The following ZNF786 variants were observed in gnomAD, a reference collection of about 807,000 sequenced individuals.
The protein encoded by ZNF786 is zinc finger protein 786.
A neutral mutation model predicts 63.1 loss-of-function variants in ZNF786; 56 were observed. The observed-to-expected ratio is 0.89, with a 90% CI of 0.72 to 1.11. The LOEUF is 1.11. Ranked by LOEUF, ZNF786 falls within the 50% of genes least tolerant of loss-of-function variation. The probability of loss-of-function intolerance (pLI) is 0.00; values close to 1 mark genes in which losing one functional copy is unlikely to be tolerated. For missense variants in ZNF786, 1,213 were observed against 1,041.8 expected (o/e 1.16, Z -2.26); for synonymous variants, 485 against 406.9 (o/e 1.19, Z -2.31).
intron 1 of ZNF786, among the ~76,000 whole-genome samples, chr7:149,084,207 A>G (rs924138660): frequency 5.3e-5 from 8 of 151,922 alleles, no homozygotes; most frequent in Non-Finnish European, 1.0e-4. Flanking sequence ...CTAAAAATAC[A>G]AAAAATTAGC....
At position 149,072,065 on chromosome 7, in the gene ZNF786, A is replaced by C; in HGVS notation, c.707T>G (p.Val236Gly). 1.9e-6 allele frequency: 3 copies of C among 1,613,126 alleles called. No homozygotes were observed. Among genetic ancestry groups the C allele is most frequent in the Non-Finnish European group, 2.5e-6 (3 of 1,179,690 alleles). ...CACGCCACACCGGAAGTGCCTCTGTACCCGAGGGCTGCTCCACGGCATCTG... is the reference window on the plus strand; with the variant it reads ...CACGCCACACCGGAAGTGCCTCTGTCCCCGAGGGCTGCTCCACGGCATCTG... ...ETQMPWSSPR[V>G]QRHFRCGVCG... The change falls in exon 4 of 4, where the codon GTA (valine) becomes GGA (glycine). Residue 236 changes from valine (V) to glycine (G), a missense_variant. Transcript: ENST00000491431.
At chr7:149,090,165 A>G (rs931490960) in intron 1 of ZNF786, among the ~76,000 whole-genome samples, 2 of 152,124 alleles carry the variant, frequency 1.3e-5, no homozygotes, top group Non-Finnish European at 2.9e-5. Flanking sequence ...AACCCAAATC[A>G]CGCTAGACAA....
chr7:149,070,821 A>C lies in ZNF786; in HGVS notation c.1951T>G (p.Cys651Gly). The C allele has an allele frequency of 6.2e-7, 1 of 1,613,480 alleles. No homozygotes were observed. The highest frequency in any genetic ancestry group is 8.5e-7 in the Non-Finnish European group (1 of 1,179,838). The change falls in exon 4 of 4, where the codon TGT becomes GGT. Residue 651 changes from cysteine (C) to glycine (G), a missense_variant. Coordinates refer to ENST00000491431, the MANE Select transcript of ZNF786 (RefSeq NM_152411.4). ...TTCACAAAGCCCTTGCCGCACTCAC[A>C]GGAGAAAGGCATCTCCCCGCTGTGC... ...LLHSGEMPFSCECGKGFVKHS... is the reference protein window; with the variant it reads ...LLHSGEMPFSGECGKGFVKHS...
At chr7:149,077,828 C>G (rs561891078) in intron 2 of ZNF786, among the ~76,000 whole-genome samples, 10 of 151,418 alleles carry the variant, frequency 6.6e-5, no homozygotes, top group South Asian at 4.2e-4. Context: ...ACAGTTGTGG[C>G]CCAACAGCGA....
At position 149,071,733 on chromosome 7, in the gene ZNF786, G is replaced by A. The variant is rs751480242; in HGVS notation, c.1039C>T (p.Pro347Ser). 3.4e-5 allele frequency: 54 copies of A among 1,585,666 alleles called. No homozygotes were observed. The highest frequency in any genetic ancestry group is 4.3e-5 in the Non-Finnish European group (50 of 1,173,734). ...TCCTGGTGGCTGTTCCCCTCCTGGG[G>A]CAGGCGCGAGCCTGGTTTCTGTCCC... Reference protein sequence around the residue: ...HSGQKPGSRLPQEGNSHQEGD... With the variant: ...HSGQKPGSRLSQEGNSHQEGD... The change falls in exon 4 of 4, where the codon CCC (proline) becomes TCC (serine). Residue 347 changes from proline (P) to serine (S), a missense_variant. Physicochemically the swap from Pro to Ser is moderately conservative, Grantham distance 74. Coordinates refer to ENST00000491431, the MANE Select transcript of ZNF786 (RefSeq NM_152411.4).
chr7:149,072,635 T>A (rs1166720186), intron 3 of ZNF786, among the ~76,000 whole-genome samples, 162 bp from the exon 4 acceptor site: 2 of 152,160 alleles, frequency 1.3e-5, no homozygotes, highest in Non-Finnish European at 2.9e-5. Context: ...GCCGTGAGTT[T>A]GGTGAGTCTG....
Position 149,071,512 on chromosome 7 carries a change from A to ACCGTGCG in ZNF786, c.1253_1259dup (p.Gly421AlafsTer21). The ACCGTGCG allele has an allele frequency of 6.2e-7, 1 of 1,605,186 alleles. No individual in the cohort carries two copies. The highest frequency in any genetic ancestry group is 8.5e-7 in the Non-Finnish European group (1 of 1,176,962). Reference sequence around the variant, plus strand: ...TCCTGCAGGAGAACGGTCTCTCCCCACCGTGCGCGTGCTGGTGGACCTGCA... The same window carrying ACCGTGCG: ...TCCTGCAGGAGAACGGTCTCTCCCCACCGTGCGCCGTGCGCGTGCTGGTGGACCTGCA... On this transcript the variant is annotated frameshift_variant, in exon 4 of 4. Transcript: ENST00000491431. LOFTEE classifies it high-confidence loss of function.
chr7:149,078,327 G>A (rs113932616), intron 2 of ZNF786, among the ~76,000 whole-genome samples: 3 of 152,210 alleles, frequency 2.0e-5, no homozygotes, highest in African/African-American at 7.2e-5. Flanking sequence ...CAGTAACAAT[G>A]AAAATAATGT....
In ZNF786 at chr7:149,072,020, C is replaced by G. The variant is rs1238876566; in HGVS notation, c.752G>C (p.Arg251Pro). Residue 251 changes from arginine (R) to proline (P), a missense_variant, in exon 4 of 4, where the codon CGG becomes CCG. Transcript: ENST00000491431. ...RCGVCGKSFR[R>P]KLCLLRHLAA... ...CAGATGGCGCAGCAGACACAGCTTC[C>G]GGCGGAAGCTCTTACCGCACACGCC... 6.2e-7 allele frequency: 1 copy of G among 1,613,020 alleles called. No homozygotes were observed.
Position 149,072,323 on chromosome 7 carries a change from G to A in ZNF786, c.449C>T (p.Pro150Leu). The change falls in exon 4 of 4, where the codon CCA (proline) becomes CTA (leucine). Residue 150 changes from proline (P) to leucine (L), a missense_variant. Physicochemically the swap from Pro to Leu is moderately conservative, Grantham distance 98. Transcript: ENST00000491431. Reference protein sequence around the residue: ...SPQRHDARAPPPLACGPSEST... With the variant: ...SPQRHDARAPLPLACGPSEST... Reference sequence around the variant, plus strand: ...TTCACTGGGGCCGCAGGCTAGTGGTGGAGGAGCCCTGGCGTCGTGTCTCTG... The same window carrying A: ...TTCACTGGGGCCGCAGGCTAGTGGTAGAGGAGCCCTGGCGTCGTGTCTCTG... 4 of 1,613,814 alleles carry A rather than the reference G, an allele frequency of 2.5e-6. No individual in the cohort carries two copies. The highest frequency in any genetic ancestry group is 3.4e-6 in the Non-Finnish European group (4 of 1,179,844).
Position 149,071,712 on chromosome 7 carries a change from G to A in ZNF786, c.1060C>T (p.Gln354Ter). The stretch of plus-strand genomic sequence containing the variant: ...TGCAGCGCCTCCGTGTCCCCTTCCT[G>A]GTGGCTGTTCCCCTCCTGGGGCAGG... ...SRLPQEGNSH[Q>*]EGDTEALQHG... Residue 354 changes from glutamine to a stop codon, truncating the protein, a stop_gained, in exon 4 of 4, where the codon CAG becomes TAG. Coordinates refer to ENST00000491431, the MANE Select transcript of ZNF786 (RefSeq NM_152411.4). LOFTEE classifies it high-confidence loss of function. 1 of 1,580,828 alleles carries A rather than the reference G, an allele frequency of 6.3e-7. No homozygotes were observed. Among genetic ancestry groups the A allele is most frequent in the Non-Finnish European group, 8.5e-7 (1 of 1,171,390 alleles).
At position 149,075,655 on chromosome 7, in the gene ZNF786, G is replaced by GTTTTTTTTTT. The variant is rs1165713050; in HGVS notation, c.146-1127_146-1118dup. Among the ~76,000 whole-genome samples, 45 of 69,472 alleles carry GTTTTTTTTTT rather than the reference G, an allele frequency of 6.5e-4. 11 individuals are homozygous for GTTTTTTTTTT. The highest frequency in any genetic ancestry group is 2.0e-3 in the African/African-American group (33 of 16,884). The allele number at this position is 69,472 out of a possible 152,430, so 45.6% of individuals were successfully genotyped here. On this transcript the variant is annotated intron_variant, in intron 2 of 3. Coordinates refer to ENST00000491431, the MANE Select transcript of ZNF786 (RefSeq NM_152411.4). ...ATCCTACTGTGCTGACACACTTCAG[G>GTTTTTTTTTT]TTTTTTTTTTTTTTTTTTTTTTTTT... is the stretch of plus-strand genomic sequence containing the variant.
Position 149,071,732 on chromosome 7 carries a change from G to A in ZNF786, c.1040C>T (p.Pro347Leu), listed in dbSNP as rs1303643821. Residue 347 changes from proline (P) to leucine (L), a missense_variant, in exon 4 of 4, where the codon CCC (proline) becomes CTC (leucine). By Grantham distance (98) the Pro-to-Leu change is moderately conservative. Coordinates refer to ENST00000491431, the MANE Select transcript of ZNF786 (RefSeq NM_152411.4). ...TTCCTGGTGGCTGTTCCCCTCCTGG[G>A]GCAGGCGCGAGCCTGGTTTCTGTCC... The part of the protein sequence containing the change: ...HSGQKPGSRL[P>L]QEGNSHQEGD... 9 of 1,585,800 alleles carry A rather than the reference G, an allele frequency of 5.7e-6. No individual in the cohort carries two copies. The highest frequency in any genetic ancestry group is 7.7e-6 in the Non-Finnish European group (9 of 1,173,842).
intron 2 of ZNF786, among the ~76,000 whole-genome samples, chr7:149,079,635 A>C (rs1409870374): frequency 7.8e-6 from 1 of 128,058 alleles, no homozygotes; most frequent in African/African-American, 3.0e-5. Context: ...CAGTGGCGTG[A>C]TCTCAGCTCA....
chr7:149,090,546 A>C, intron 1 of ZNF786, 77 bp downstream of exon 1: 2 of 1,418,124 alleles, frequency 1.4e-6, no homozygotes, highest in Middle Eastern at 1.9e-4. Flanking sequence ...CGGGGACCCC[A>C]GGACACGGGC....
At chr7:149,081,476 G>A (rs896088746) in intron 1 of ZNF786, among the ~76,000 whole-genome samples, 25 of 147,042 alleles carry the variant, frequency 1.7e-4, no homozygotes, top group African/African-American at 5.8e-4. Context: ...GTTCTCATGC[G>A]CTTTCTAGGT....
intron 1 of ZNF786, among the ~76,000 whole-genome samples, chr7:149,088,295 G>A (rs899103672): frequency 2.6e-5 from 4 of 152,032 alleles, no homozygotes; most frequent in Admixed American, 1.3e-4. Flanking sequence ...GAGCCACCAC[G>A]CCTGGCCTGC....
chr7:149,079,102 T>C (rs892561748), intron 2 of ZNF786, among the ~76,000 whole-genome samples: 7 of 152,094 alleles, frequency 4.6e-5, no homozygotes, highest in African/African-American at 1.7e-4. Context: ...CGTGGTTAAC[T>C]GAATGTGGAG....
In ZNF786 at chr7:149,071,007, C is replaced by A. The variant is rs776709318; in HGVS notation, c.1765G>T (p.Gly589Trp). 4 of 1,612,908 alleles carry A rather than the reference C, an allele frequency of 2.5e-6. No individual in the cohort carries two copies. Among genetic ancestry groups the A allele is most frequent in the African/African-American group, 2.7e-5 (2 of 74,936 alleles). Residue 589 changes from glycine (G) to tryptophan (W), a missense_variant, in exon 4 of 4, where the codon GGG becomes TGG. Coordinates refer to ENST00000491431, the MANE Select transcript of ZNF786 (RefSeq NM_152411.4). The part of the protein sequence containing the change: ...KLTEHLRVHS[G>W]ERPFQCPECN... The stretch of plus-strand genomic sequence containing the variant: ...TCTGGGCACTGGAAGGGTCTCTCCC[C>A]GCTGTGCACGCGCAAGTGCTCCGTG...
Sources: gnomAD v4.1 joint callset for allele counts (sites outside exome capture counted in the v4.1 genomes callset) on GRCh38, gnomAD v4.1.1 for gene constraint, MANE v1.5 for transcripts, NCBI Gene and HGNC (gene_info 2026-07-23, HGNC 2026-07-21) for gene names.